LCP2: variants seen among roughly 807,000 people sequenced by gnomAD.
LCP2 encodes lymphocyte cytosolic protein 2.
Under a neutral mutation model 74.5 loss-of-function variants are expected in LCP2, and 29 were observed. The observed-to-expected ratio is 0.39, with a 90% CI of 0.29 to 0.53. LCP2 has a LOEUF of 0.53. Ranked by LOEUF, LCP2 falls within the 20% of genes least tolerant of loss-of-function variation. The pLI is 0.72. For synonymous variants in LCP2, 228 were observed against 229.5 expected (o/e 0.99, Z 0.06); for missense variants, 604 against 634.6 (o/e 0.95, Z 0.52).
Position 170,249,445 on chromosome 5 carries a change from G to C in LCP2, c.1480-626C>G, listed in dbSNP as rs1318354663. On this transcript the variant is annotated intron_variant, in intron 20 of 20. Coordinates refer to ENST00000046794, the MANE Select transcript of LCP2 (RefSeq NM_005565.5). The stretch of plus-strand genomic sequence containing the variant: ...ATATATTTTTAACTTCATATGAAGG[G>C]GTCATTTAAATAGTCACTATTACAA... 2.0e-5 allele frequency among the ~76,000 whole-genome samples: 3 copies of C among 151,086 alleles called. No individual in the cohort carries two copies. In the East Asian group the frequency reaches 5.8e-4, roughly 29 times the overall value.
chr5:170,252,007 A>G lies in LCP2; in HGVS notation c.1323+427T>C, dbSNP rs562711844. 1.2e-4 allele frequency: 25 copies of G among 200,184 alleles called. No homozygotes were observed. In the South Asian group the frequency reaches 2.1e-3, roughly 17 times the overall value. The allele number at this position is 200,184 out of a possible 1,614,324, so 12.4% of individuals were successfully genotyped here. A position where few individuals can be genotyped will look rare whatever the true frequency, so the allele number is the denominator to read the frequency against. The stretch of plus-strand genomic sequence containing the variant: ...ATTAAAGGACTAGCTAGAAACGTCT[A>G]GGGCAAAAAGCAAAAAGTTGCTGCC... On this transcript the variant is annotated intron_variant, in intron 19 of 20. Coordinates refer to ENST00000046794, the MANE Select transcript of LCP2 (RefSeq NM_005565.5).
chr5:170,252,756 T>C (rs1431163508), intron 18 of LCP2, among the ~76,000 whole-genome samples: 2 of 152,236 alleles, frequency 1.3e-5, no homozygotes, highest in Admixed American at 6.5e-5. Flanking sequence ...CCTTACAGTA[T>C]GGAACCTCTT....
At chr5:170,259,614 A>G (rs1761618194) in intron 14 of LCP2, among the ~76,000 whole-genome samples, 1 of 152,240 alleles carries the variant, frequency 6.6e-6, no homozygotes, top group African/African-American at 2.4e-5. Context: ...ATGATGAAAC[A>G]GCATCTTTCT....
At chr5:170,280,911 G>A (rs1279109575) in intron 3 of LCP2, among the ~76,000 whole-genome samples, 1 of 152,174 alleles carries the variant, frequency 6.6e-6, no homozygotes, top group East Asian at 1.9e-4. Context: ...GGCCGAGGCA[G>A]GAGAATCGCT....
Position 170,270,863 on chromosome 5 carries a change from C to T in LCP2, c.379G>A (p.Asp127Asn). The T allele has an allele frequency of 1.2e-6, 2 of 1,612,894 alleles. No individual in the cohort carries two copies. Among genetic ancestry groups the T allele is most frequent in the Non-Finnish European group, 1.7e-6 (2 of 1,179,416 alleles). ...NDDQDGEDDGDYESPNEEEEA... is the reference protein window; with the variant it reads ...NDDQDGEDDGNYESPNEEEEA... ...TCCTCCTCATTGGGGGACTCATAGT[C>T]TCCATCATCCTCCCCATCCTGGTCA... Residue 127 changes from aspartate to asparagine, a missense_variant, in exon 7 of 21, where the codon GAC (aspartate) becomes AAC (asparagine). Coordinates refer to ENST00000046794, the MANE Select transcript of LCP2 (RefSeq NM_005565.5).
At chr5:170,288,514 C>A (rs898057454) in intron 2 of LCP2, among the ~76,000 whole-genome samples, 4 of 152,166 alleles carry the variant, frequency 2.6e-5, no homozygotes, top group Admixed American at 6.5e-5. Flanking sequence ...TGGTAGAATT[C>A]TCAAGATATG....
At chr5:170,273,560 TCTAA>T (rs1387428073) in intron 6 of LCP2, among the ~76,000 whole-genome samples, 26 of 152,288 alleles carry the variant, frequency 1.7e-4, no homozygotes, top group Admixed American at 1.7e-3. Context: ...TAGGTCTGCC[TCTAA>T]CTAACTTTGT....
rs1761948019 is a variant in LCP2 at position 170,274,282 on chromosome 5, C to T, written c.324+19G>A. On this transcript the variant is annotated intron_variant, in intron 6 of 20. Transcript: ENST00000046794. Reference sequence around the variant, plus strand: ...GGACACTGCTGTAAAGGTGCAAGAACAGCCCACACCATACTCACAAAGGAC... The same window carrying T: ...GGACACTGCTGTAAAGGTGCAAGAATAGCCCACACCATACTCACAAAGGAC... 1 of 1,612,338 alleles carries T rather than the reference C, an allele frequency of 6.2e-7. No individual in the cohort carries two copies. The highest frequency in any genetic ancestry group is 1.3e-5 in the African/African-American group (1 of 75,016).
chr5:170,251,091 G>A lies in LCP2; in HGVS notation c.1324-206C>T, dbSNP rs1761428387. ...GTGTCATGAGTTATTTTGTTATTAA[G>A]AAAGGCAACAGAGATTGTATCAAAG... On this transcript the variant is annotated intron_variant, in intron 19 of 20. Transcript: ENST00000046794. The A allele has an allele frequency of 8.0e-6, 4 of 497,844 alleles. No individual in the cohort carries two copies. The East Asian group carries it at 1.4e-4, about 17-fold the overall frequency. The allele number at this position is 497,844 out of a possible 1,614,324, so 30.8% of individuals were successfully genotyped here. A position where few individuals can be genotyped will look rare whatever the true frequency, so the allele number is the denominator to read the frequency against.
intron 16 of LCP2, among the ~76,000 whole-genome samples, chr5:170,257,433 T>G (rs1202348013): frequency 6.6e-6 from 1 of 152,070 alleles, no homozygotes; most frequent in East Asian, 1.9e-4. Context: ...TCTTGGCTTC[T>G]CTCCTTGAAT....
At chr5:170,289,675 C>T (rs371053847) in intron 2 of LCP2, among the ~76,000 whole-genome samples, 2,414 of 112,730 alleles carry the variant, frequency 0.021, 31 homozygotes, top group South Asian at 0.041. Context: ...CTTTCTTTCT[C>T]TCTCTCTCTC....
In LCP2 at chr5:170,261,154, C is replaced by A. The variant is rs1187475558; in HGVS notation, c.927-17G>T. On this transcript the variant is annotated splice_polypyrimidine_tract_variant and intron_variant, in intron 13 of 20. Transcript: ENST00000046794. ...CATCCATGCCTGAAATGAATTAGGG[C>A]AAATAAAAAGAACTGAGCATGAAGA... The A allele has an allele frequency of 1.3e-6, 2 of 1,588,918 alleles. No individual in the cohort carries two copies. Among genetic ancestry groups the A allele is most frequent in the Admixed American group, 1.7e-5 (1 of 59,678 alleles).
intron 7 of LCP2, among the ~76,000 whole-genome samples, chr5:170,269,597 C>T (rs1170944993): frequency 1.3e-5 from 2 of 152,226 alleles, no homozygotes; most frequent in African/African-American, 4.8e-5. Context: ...TGTATTTATC[C>T]TTTAACCTTG....
At position 170,253,224 on chromosome 5, in the gene LCP2, A is replaced by G. The variant is rs1385747950; in HGVS notation, c.1151-11T>C. The G allele has an allele frequency of 6.4e-7, 1 of 1,560,666 alleles. No individual in the cohort carries two copies. Among genetic ancestry groups the G allele is most frequent in the African/African-American group, 1.4e-5 (1 of 73,664 alleles). On this transcript the variant is annotated splice_polypyrimidine_tract_variant and intron_variant, in intron 17 of 20. Transcript: ENST00000046794. ...GTCTGTTGCTAGGGCCTTCAAAAGT[A>G]TAGAATTCTGACAGTTAATTTACTG... is the stretch of plus-strand genomic sequence containing the variant.
rs888673944 is a variant in LCP2, at chr5:170,258,893, A to G, written c.958-15T>C. The stretch of plus-strand genomic sequence containing the variant: ...TCATCTTCATCCTGGGAAGGGGAAG[A>G]AAAAAAAAGATATTAAGCTATCATC... On this transcript the variant is annotated splice_polypyrimidine_tract_variant and intron_variant, in intron 14 of 20. Coordinates refer to ENST00000046794, the MANE Select transcript of LCP2 (RefSeq NM_005565.5). The G allele has an allele frequency of 6.6e-7, 1 of 1,512,034 alleles. No homozygotes were observed. Among genetic ancestry groups the G allele is most frequent in the South Asian group, 1.2e-5 (1 of 83,624 alleles). 93.7% of individuals were successfully genotyped at this position (1,512,034 alleles called of 1,614,324 possible).
intron 17 of LCP2, among the ~76,000 whole-genome samples, chr5:170,254,167 T>C (rs936366477): frequency 1.3e-5 from 2 of 152,202 alleles, no homozygotes; most frequent in Non-Finnish European, 2.9e-5. Flanking sequence ...TCATTTTGCA[T>C]ATGGGGAAAT....
intron 3 of LCP2, among the ~76,000 whole-genome samples, chr5:170,284,168 C>G (rs1762146491): frequency 6.6e-6 from 1 of 152,196 alleles, no homozygotes; most frequent in African/African-American, 2.4e-5. Flanking sequence ...AAGATGCAAA[C>G]TCAAATGCCC....
intron 17 of LCP2, among the ~76,000 whole-genome samples, chr5:170,253,655 T>C (rs1761495792): frequency 6.6e-6 from 1 of 152,260 alleles, no homozygotes; most frequent in Non-Finnish European, 1.5e-5. Context: ...AAGATAATTA[T>C]GTTCTTAATG....
At chr5:170,286,646 A>T (rs1016924150) in intron 3 of LCP2, among the ~76,000 whole-genome samples, 2 of 152,228 alleles carry the variant, frequency 1.3e-5, no homozygotes, top group Admixed American at 1.3e-4. Flanking sequence ...AGATCAAGCC[A>T]TCTTCAACAA....
Sources: gnomAD v4.1 joint callset for allele counts (sites outside exome capture counted in the v4.1 genomes callset) on GRCh38, gnomAD v4.1.1 for gene constraint, MANE v1.5 for transcripts, NCBI Gene and HGNC (gene_info 2026-07-23, HGNC 2026-07-21) for gene names.